The following LMO7 variants were observed in gnomAD, a reference collection of about 807,000 sequenced individuals.
LMO7 encodes the protein LIM domain only protein 7.
Under a neutral mutation model 206.5 loss-of-function variants are expected in LMO7, and 120 were observed. The ratio of observed to expected loss-of-function variants is 0.58; its 90% CI spans 0.50 to 0.68. The LOEUF is 0.68. Ranked by LOEUF, LMO7 falls within the 30% of genes least tolerant of loss-of-function variation. The probability of loss-of-function intolerance (pLI) is 0.00; values close to 1 mark genes in which losing one functional copy is unlikely to be tolerated. For missense variants in LMO7, 1,959 were observed against 1,957.9 expected (o/e 1.00, Z -0.01); for synonymous variants, 706 against 681.5 (o/e 1.04, Z -0.56).
At chr13:75,646,128 T>TA (rs1471693717) in intron 1 of LMO7, among the ~76,000 whole-genome samples, 2 of 152,166 alleles carry the variant, frequency 1.3e-5, no homozygotes, top group Non-Finnish European at 2.9e-5. Context: ...TCTTAGCAAA[T>TA]GGCATCATTG....
intron 2 of LMO7, among the ~76,000 whole-genome samples, chr13:75,722,809 A>G (rs897198922): frequency 5.9e-5 from 9 of 152,230 alleles, no homozygotes; most frequent in Admixed American, 5.9e-4. Flanking sequence ...TGTGGTGTAT[A>G]TATGCATATA....
At chr13:75,851,645 T>A (rs2060511945) in intron 27 of LMO7, among the ~76,000 whole-genome samples, 1 of 152,248 alleles carries the variant, frequency 6.6e-6, no homozygotes, top group Non-Finnish European at 1.5e-5. Context: ...GTAGATGAAT[T>A]CTCATAATTT....
At chr13:75,698,156 G>A (rs577814908) in intron 1 of LMO7, among the ~76,000 whole-genome samples, 1 of 152,228 alleles carries the variant, frequency 6.6e-6, no homozygotes, top group East Asian at 1.9e-4. Context: ...AAACACTTAA[G>A]ATAGATGCAA....
At chr13:75,703,014 G>T (rs181538143) in intron 1 of LMO7, among the ~76,000 whole-genome samples, 29 of 152,284 alleles carry the variant, frequency 1.9e-4, no homozygotes, top group African/African-American at 6.7e-4. Flanking sequence ...ATACTTTCAT[G>T]TACTCTTGTA....
intron 2 of LMO7, among the ~76,000 whole-genome samples, chr13:75,717,953 C>G (rs970748030): frequency 1.3e-5 from 2 of 152,202 alleles, no homozygotes; most frequent in African/African-American, 4.8e-5. Flanking sequence ...TTAGTGAAAA[C>G]TGTTTTTCTT....
At chr13:75,674,745 G>A (rs905755023) in intron 1 of LMO7, among the ~76,000 whole-genome samples, 2 of 152,168 alleles carry the variant, frequency 1.3e-5, no homozygotes, top group Admixed American at 1.3e-4. Flanking sequence ...GAATACAATG[G>A]TGTCTCAAAT....
intron 1 of LMO7, among the ~76,000 whole-genome samples, chr13:75,679,308 G>A (rs2040284603): frequency 6.6e-6 from 1 of 152,172 alleles, no homozygotes; most frequent in Non-Finnish European, 1.5e-5. Flanking sequence ...AAACTGCCAT[G>A]TTTCATGTGT....
intron 14 of LMO7, among the ~76,000 whole-genome samples, chr13:75,822,769 T>TAC (rs1216271848): frequency 4.8e-4 from 45 of 93,126 alleles, no homozygotes; most frequent in Admixed American, 1.8e-3. Flanking sequence ...AAACTATATA[T>TAC]ATATATATAT....
At chr13:75,634,182 A>G (rs2035426387), upstream of LMO7, among the ~76,000 whole-genome samples, 2 of 152,082 alleles carry the variant, frequency 1.3e-5, no homozygotes, top group African/African-American at 2.4e-5. Context: ...ACTCTCCACC[A>G]GGCTCAGCAC....
intron 4 of LMO7, among the ~76,000 whole-genome samples, chr13:75,780,264 TG>T (rs1261593339): frequency 2.0e-5 from 3 of 152,118 alleles, no homozygotes. Flanking sequence ...CTAACAAGCC[TG>T]GGGGTGCTGC....
upstream of LMO7, chr13:75,636,321 T>G: frequency 9.0e-7 from 1 of 1,112,912 alleles, no homozygotes. Flanking sequence ...GCTGCGACTT[T>G]TGAAGTCCAA....
chr13:75,706,814 T>C (rs1185803542), intron 1 of LMO7, among the ~76,000 whole-genome samples: 3 of 152,184 alleles, frequency 2.0e-5, no homozygotes, highest in Non-Finnish European at 2.9e-5. Context: ...AAAAATACTT[T>C]AGAGTCTAAT....
intron 3 of LMO7, among the ~76,000 whole-genome samples, chr13:75,732,887 A>T: frequency 6.6e-6 from 1 of 152,068 alleles, no homozygotes; most frequent in East Asian, 1.9e-4. Context: ...CTAGAGGTCC[A>T]CTCCAGACCC....
At chr13:75,852,304 A>T (rs1481933268) in intron 27 of LMO7, among the ~76,000 whole-genome samples, 1 of 152,246 alleles carries the variant, frequency 6.6e-6, no homozygotes, top group Non-Finnish European at 1.5e-5. Flanking sequence ...ATATGGATAC[A>T]ACGAAGGAAA....
chr13:75,744,053 A>G (rs992190045), intron 3 of LMO7, among the ~76,000 whole-genome samples: 1 of 152,202 alleles, frequency 6.6e-6, no homozygotes, highest in Non-Finnish European at 1.5e-5. Context: ...GACAGTAAAT[A>G]TCTGAATGCC....
intron 4 of LMO7, among the ~76,000 whole-genome samples, chr13:75,791,849 C>T (rs2053331143): frequency 6.6e-6 from 1 of 152,114 alleles, no homozygotes; most frequent in Non-Finnish European, 1.5e-5. Flanking sequence ...GGGCTATCAT[C>T]ATACCCAAGA....
intron 2 of LMO7, among the ~76,000 whole-genome samples, chr13:75,716,667 C>T (rs1278796973): frequency 1.3e-5 from 2 of 151,974 alleles, no homozygotes; most frequent in Non-Finnish European, 2.9e-5. Context: ...CTTCTTTCTT[C>T]AGTATTTCTT....
intron 9 of LMO7, 83 bp downstream of exon 9, chr13:75,805,843 A>G (rs1281147076): frequency 2.9e-6 from 4 of 1,374,144 alleles, no homozygotes; most frequent in East Asian, 2.3e-5. Context: ...TTTTATAATA[A>G]TAAGAGAGAC....
rs1413066957 is a variant in LMO7 at position 75,754,168 on chromosome 13, A to G, written c.211-6764A>G. On this transcript the variant is annotated intron_variant, in intron 3 of 30. Coordinates refer to ENST00000377534, the MANE Select transcript of LMO7 (RefSeq NM_001306080.2). ...TTTCAAAGTAAAACCTCTTAACATC[A>G]AGTGGTTTCTCCCCATTTCCTCCTC... Among the ~76,000 whole-genome samples the G allele has an allele frequency of 2.0e-5, 3 of 152,320 alleles. No individual in the cohort carries two copies. The East Asian group carries it at 5.8e-4, about 29-fold the overall frequency.
Sources: gnomAD v4.1 joint callset for allele counts (sites outside exome capture counted in the v4.1 genomes callset) on GRCh38, gnomAD v4.1.1 for gene constraint, MANE v1.5 for transcripts, NCBI Gene and HGNC (gene_info 2026-07-23, HGNC 2026-07-21) for gene names.